Variants in SIK2 observed in about 807,000 individuals in gnomAD.
The protein encoded by SIK2 is serine/threonine-protein kinase SIK2.
Under a neutral mutation model 103.2 loss-of-function variants are expected in SIK2, and 29 were observed. The observed-to-expected ratio is 0.28, with a 90% CI of 0.21 to 0.38. The LOEUF (loss-of-function observed/expected upper bound fraction) is 0.38, where lower values mean the gene tolerates loss of function less well. SIK2 is among the 10% of genes least tolerant of loss of function. The probability of loss-of-function intolerance (pLI) is 1.00; values close to 1 mark genes in which losing one functional copy is unlikely to be tolerated. For synonymous variants in SIK2, 412 were observed against 446.1 expected (o/e 0.92, Z 0.96); for missense variants, 879 against 1,171.0 (o/e 0.75, Z 3.64).
chr11:111,695,939 C>A (rs1454588140), intron 4 of SIK2, among the ~76,000 whole-genome samples: 1 of 152,038 alleles, frequency 6.6e-6, no homozygotes, highest in Non-Finnish European at 1.5e-5. Context: ...TTGTTAGGAC[C>A]ATATAGGTCA....
At chr11:111,679,084 T>G (rs2135886547) in intron 3 of SIK2, among the ~76,000 whole-genome samples, 1 of 152,352 alleles carries the variant, frequency 6.6e-6, no homozygotes, top group South Asian at 2.1e-4. Context: ...TCTAGAAATG[T>G]ATTTTACTTA....
rs975697763 is a variant in SIK2, at chr11:111,644,805, A to G, written c.316+24403A>G. Among the ~76,000 whole-genome samples the G allele has an allele frequency of 4.2e-4, 64 of 152,234 alleles. 2 individuals carry two copies. The highest frequency in any genetic ancestry group is 4.2e-3 in the Admixed American group (64 of 15,290). On this transcript the variant is annotated intron_variant, in intron 3 of 14. Coordinates refer to ENST00000304987, the MANE Select transcript of SIK2 (RefSeq NM_015191.3). ...GTTGGAATCTCATATATAAGTTATT[A>G]TGTATCCATTTTTTATATATAACAT...
intron 7 of SIK2, among the ~76,000 whole-genome samples, chr11:111,704,063 A>G (rs928335876): frequency 2.0e-5 from 3 of 152,244 alleles, no homozygotes; most frequent in Non-Finnish European, 2.9e-5. Flanking sequence ...AAGAAAGAAT[A>G]TCAAATGCCG....
chr11:111,654,543 T>C (rs1373318261), intron 3 of SIK2, among the ~76,000 whole-genome samples: 1 of 152,250 alleles, frequency 6.6e-6, no homozygotes, highest in Non-Finnish European at 1.5e-5. Context: ...TTTATAGTTC[T>C]ATCTGTGTAA....
chr11:111,664,741 A>C (rs1300406404), intron 3 of SIK2, among the ~76,000 whole-genome samples: 2 of 139,620 alleles, frequency 1.4e-5, no homozygotes. Context: ...GAAATGGGAT[A>C]GCAATCAAGG....
At chr11:111,607,807 A>G (rs1225157179) in intron 1 of SIK2, among the ~76,000 whole-genome samples, 2 of 152,246 alleles carry the variant, frequency 1.3e-5, no homozygotes, top group Non-Finnish European at 2.9e-5. Flanking sequence ...GGGAACAAAC[A>G]TGCAAAATAA....
At chr11:111,656,023 C>CAAAA (rs11337076) in intron 3 of SIK2, among the ~76,000 whole-genome samples, 1 of 121,926 alleles carries the variant, frequency 8.2e-6, no homozygotes, top group Non-Finnish European at 1.7e-5. Context: ...ACTAAAAATG[C>CAAAA]AAAAAAAAAA....
At chr11:111,657,390 T>C (rs1942404814) in intron 3 of SIK2, among the ~76,000 whole-genome samples, 2 of 152,052 alleles carry the variant, frequency 1.3e-5, no homozygotes, top group Non-Finnish European at 2.9e-5. Flanking sequence ...TTTTTGGGTT[T>C]TGTTTTGTTT....
Position 111,701,828 on chromosome 11 carries a change from A to G in SIK2, c.727+253A>G, listed in dbSNP as rs1476274700. On this transcript the variant is annotated intron_variant, in intron 6 of 14. Coordinates refer to ENST00000304987, the MANE Select transcript of SIK2 (RefSeq NM_015191.3). This position sits in a 1 kb window ranked among gnomAD's most constrained non-coding sequence, Gnocchi z 4.2. ...CTTCTCATTCATTCTGGGTCTATAAATGTCCCAGGTTTATTTTAGATTTAA... is the reference window on the plus strand; with the variant it reads ...CTTCTCATTCATTCTGGGTCTATAAGTGTCCCAGGTTTATTTTAGATTTAA... Among the ~76,000 whole-genome samples, 2 of 152,170 alleles carry G rather than the reference A, an allele frequency of 1.3e-5. No homozygotes were observed. Among genetic ancestry groups the G allele is most frequent in the African/African-American group, 2.4e-5 (1 of 41,438 alleles).
chr11:111,720,701 C>T lies in SIK2; in HGVS notation c.1719C>T (p.His573=), dbSNP rs1943773640. The change falls in exon 11 of 15, where the codon CAC becomes CAT. Residue 573 remains histidine (H), a synonymous_variant. Coordinates refer to ENST00000304987, the MANE Select transcript of SIK2 (RefSeq NM_015191.3). ...QALSSQKREV[H]NRSPVSFREG... ...TGAGCTCCCAGAAACGAGAGGTCCACAACAGGTCTCCAGTGAGCTTCAGAG... is the reference window on the plus strand; with the variant it reads ...TGAGCTCCCAGAAACGAGAGGTCCATAACAGGTCTCCAGTGAGCTTCAGAG... 1 of 1,613,318 alleles carries T rather than the reference C, an allele frequency of 6.2e-7. No homozygotes were observed. The highest frequency in any genetic ancestry group is 8.5e-7 in the Non-Finnish European group (1 of 1,179,626).
At chr11:111,636,634 C>T (rs1400553445) in intron 3 of SIK2, among the ~76,000 whole-genome samples, 1 of 152,098 alleles carries the variant, frequency 6.6e-6, no homozygotes, top group Admixed American at 6.6e-5. Context: ...CAAAGATGAT[C>T]AGGGAAAGCC....
chr11:111,658,600 A>G (rs570011741), intron 3 of SIK2, among the ~76,000 whole-genome samples: 8 of 152,274 alleles, frequency 5.3e-5, no homozygotes, highest in Admixed American at 1.3e-4. Flanking sequence ...AAAATTAGCC[A>G]GGCACAGTGG....
At chr11:111,662,477 G>A (rs896091472) in intron 3 of SIK2, among the ~76,000 whole-genome samples, 4 of 151,744 alleles carry the variant, frequency 2.6e-5, no homozygotes, top group East Asian at 3.9e-4. Context: ...GGCCAGGTGC[G>A]GTGGCTCACA....
chr11:111,689,710 G>A (rs1312747230), intron 4 of SIK2, among the ~76,000 whole-genome samples: 2 of 152,158 alleles, frequency 1.3e-5, no homozygotes, highest in Admixed American at 6.5e-5. Context: ...TCCTCGGTTT[G>A]CTGTATATGG....
chr11:111,637,428 C>G (rs934117756), intron 3 of SIK2, among the ~76,000 whole-genome samples: 2 of 149,540 alleles, frequency 1.3e-5, no homozygotes, highest in African/African-American at 4.9e-5. Flanking sequence ...GAATAACACC[C>G]TTATCTTATC....
chr11:111,701,138 T>C lies in SIK2; in HGVS notation c.603+128T>C. 1 of 1,251,046 alleles carries C rather than the reference T, an allele frequency of 8.0e-7. No homozygotes were observed. The highest frequency in any genetic ancestry group is 1.1e-6 in the Non-Finnish European group (1 of 923,742). The allele number at this position is 1,251,046 out of a possible 1,614,324, so 77.5% of individuals were successfully genotyped here. On this transcript the variant is annotated intron_variant, in intron 5 of 14. Coordinates refer to ENST00000304987, the MANE Select transcript of SIK2 (RefSeq NM_015191.3). The surrounding 1 kb of genome is among the most constrained non-coding windows in gnomAD (Gnocchi z 4.2). The stretch of plus-strand genomic sequence containing the variant: ...TTCATATTTTCCCCATCCACTGGAC[T>C]ATAATTACTCAGAGCATCTTGAAAT...
chr11:111,706,205 T>C (rs984077096), intron 8 of SIK2, among the ~76,000 whole-genome samples: 1 of 152,266 alleles, frequency 6.6e-6, no homozygotes, highest in Non-Finnish European at 1.5e-5. Flanking sequence ...AAATACTATA[T>C]GCCTGGCACA....
At chr11:111,717,347 C>CAAAAAA (rs1943675725) in intron 9 of SIK2, among the ~76,000 whole-genome samples, 1 of 123,348 alleles carries the variant, frequency 8.1e-6, no homozygotes, top group Non-Finnish European at 1.7e-5. Flanking sequence ...AAAAAAAGCT[C>CAAAAAA]AACATGACTG....
At chr11:111,671,697 C>T (rs1942630135) in intron 3 of SIK2, 1 of 393,270 alleles carries the variant, frequency 2.5e-6, no homozygotes, top group Non-Finnish European at 5.0e-6. Context: ...CCTGGATCTC[C>T]TTCATACAGC....
Sources: gnomAD v4.1 joint callset for allele counts (sites outside exome capture counted in the v4.1 genomes callset) on GRCh38, gnomAD v4.1.1 for gene constraint, Gnocchi (gnomAD v3.1) non-coding constraint, MANE v1.5 for transcripts, NCBI Gene and HGNC (gene_info 2026-07-23, HGNC 2026-07-21) for gene names.